Variants in PPM1H observed in about 807,000 individuals in gnomAD.
PPM1H encodes protein phosphatase, Mg2+/Mn2+ dependent 1H.
Under a neutral mutation model 54.9 loss-of-function variants are expected in PPM1H, and 27 were observed. The ratio of observed to expected loss-of-function variants is 0.49; its 90% CI spans 0.36 to 0.68. The LOEUF (loss-of-function observed/expected upper bound fraction) is 0.68. Among genes scored for constraint, PPM1H ranks in the 30% least tolerant of loss-of-function variants. The pLI is 0.00. For missense variants in PPM1H, 596 were observed against 667.8 expected, an observed-to-expected ratio of 0.89 and a Z score of 1.19; for synonymous variants, 305 against 270.8, an observed-to-expected ratio of 1.13 and a Z score of -1.24.
chr12:62,755,859 C>T, intron 4 of PPM1H: 2 of 784,788 alleles, frequency 2.5e-6, no homozygotes, highest in South Asian at 2.8e-5. Flanking sequence ...CCTGCCTCTA[C>T]TGGTGCTGCT....
At chr12:62,857,089 TACTGTCTTCACCTTCAGTGAAG>T (rs1305308233) in intron 1 of PPM1H, among the ~76,000 whole-genome samples, 2 of 152,228 alleles carry the variant, frequency 1.3e-5, no homozygotes, top group Non-Finnish European at 2.9e-5. Context: ...TATAATTCCC[TACTGTCTTCACCTTCAGTGAAG>T]ACCAGATTTC....
At chr12:62,793,088 G>A (rs2076709807) in intron 3 of PPM1H, among the ~76,000 whole-genome samples, 1 of 152,096 alleles carries the variant, frequency 6.6e-6, no homozygotes, top group Admixed American at 6.5e-5. Context: ...GACTGATTTA[G>A]AATATCTCCC....
intron 6 of PPM1H, among the ~76,000 whole-genome samples, chr12:62,713,722 G>A (rs956829268): frequency 1.6e-4 from 25 of 152,190 alleles, no homozygotes; most frequent in African/African-American, 5.5e-4. Flanking sequence ...TAATCCCAGC[G>A]CTTTGGGAGG....
chr12:62,758,975 T>C (rs2076490963), intron 4 of PPM1H, among the ~76,000 whole-genome samples: 1 of 152,240 alleles, frequency 6.6e-6, no homozygotes, highest in African/African-American at 2.4e-5. Flanking sequence ...AGGTTCTTTG[T>C]AATTCTCCCT....
intron 1 of PPM1H, among the ~76,000 whole-genome samples, chr12:62,911,277 T>C (rs1250214062): frequency 6.6e-6 from 1 of 152,224 alleles, no homozygotes. Flanking sequence ...TGACAAGATC[T>C]GAAATTATAC....
intron 9 of PPM1H, among the ~76,000 whole-genome samples, chr12:62,663,717 C>T (rs529174143): frequency 1.2e-4 from 19 of 152,238 alleles, no homozygotes; most frequent in African/African-American, 2.6e-4. Context: ...TCTTGCCGGG[C>T]GCAGTGGCTC....
At chr12:62,879,817 T>C (rs981859511) in intron 1 of PPM1H, among the ~76,000 whole-genome samples, 4 of 152,068 alleles carry the variant, frequency 2.6e-5, no homozygotes, top group Non-Finnish European at 5.9e-5. Context: ...TGCTTAAAAC[T>C]GGTATTGCTG....
chr12:62,709,275 T>G (rs2076193382), intron 6 of PPM1H, among the ~76,000 whole-genome samples: 1 of 152,214 alleles, frequency 6.6e-6, no homozygotes. Context: ...TGCCCCCATC[T>G]GCTGCTCTGG....
chr12:62,691,412 A>G (rs1447649682), intron 7 of PPM1H, among the ~76,000 whole-genome samples: 3 of 152,182 alleles, frequency 2.0e-5, no homozygotes, highest in African/African-American at 7.2e-5. Context: ...TTCATCCTAG[A>G]CTGTCAACAG....
chr12:62,659,508 A>T (rs770092201), intron 9 of PPM1H, among the ~76,000 whole-genome samples: 6 of 152,166 alleles, frequency 3.9e-5, no homozygotes, highest in Non-Finnish European at 8.8e-5. Flanking sequence ...CTCACAGCAC[A>T]TTCTGGAGGG....
chr12:62,735,498 A>G (rs529637665), intron 5 of PPM1H, among the ~76,000 whole-genome samples: 92 of 152,158 alleles, frequency 6.0e-4, no homozygotes, highest in Non-Finnish European at 1.9e-4. Context: ...GATTACAGGC[A>G]TGAGCCACCG....
At chr12:62,740,120 C>A (rs1336204991) in intron 4 of PPM1H, among the ~76,000 whole-genome samples, 1 of 152,218 alleles carries the variant, frequency 6.6e-6, no homozygotes, top group Non-Finnish European at 1.5e-5. Context: ...CGAACTCCAC[C>A]TTTGAAATGT....
chr12:62,710,377 C>T (rs759612717), intron 6 of PPM1H, among the ~76,000 whole-genome samples: 1 of 151,646 alleles, frequency 6.6e-6, no homozygotes, highest in Non-Finnish European at 1.5e-5. Context: ...ACTAAAAATA[C>T]AAAAATTAGC....
At chr12:62,805,264 A>G (rs1296496192) in intron 2 of PPM1H, among the ~76,000 whole-genome samples, 2 of 152,216 alleles carry the variant, frequency 1.3e-5, no homozygotes, top group African/African-American at 4.8e-5. Context: ...GTCAGTGGGA[A>G]TGTAAATTGG....
intron 5 of PPM1H, among the ~76,000 whole-genome samples, chr12:62,730,522 G>T (rs1425895137): frequency 6.6e-6 from 1 of 152,126 alleles, no homozygotes; most frequent in Non-Finnish European, 1.5e-5. Context: ...AAAATCTTTT[G>T]TAAAGTTCTC....
At chr12:62,682,690 G>C (rs1424329741) in intron 8 of PPM1H, among the ~76,000 whole-genome samples, 2 of 152,150 alleles carry the variant, frequency 1.3e-5, no homozygotes, top group South Asian at 4.1e-4. Flanking sequence ...TTTTTGTAGA[G>C]ACAGGGTTTC....
chr12:62,915,701 G>A (rs953045973), intron 1 of PPM1H, among the ~76,000 whole-genome samples: 5 of 152,146 alleles, frequency 3.3e-5, no homozygotes, highest in Non-Finnish European at 1.5e-5. Flanking sequence ...ATCCTACAGA[G>A]AGGTTCCAGA....
At chr12:62,674,238 G>A (rs1467552132) in intron 8 of PPM1H, among the ~76,000 whole-genome samples, 1 of 152,096 alleles carries the variant, frequency 6.6e-6, no homozygotes, top group East Asian at 1.9e-4. Context: ...AGTGGGCTCA[G>A]GGAAACTGGG....
rs11610395 is a variant in PPM1H, at chr12:62,834,391, C to T, written c.246-2112G>A. ...TGGTTAATCCTACCGCATTTACTGCCTGAGCTAAGCAACTTATCAGAAGCT... is the reference window on the plus strand; with the variant it reads ...TGGTTAATCCTACCGCATTTACTGCTTGAGCTAAGCAACTTATCAGAAGCT... On this transcript the variant is annotated intron_variant, in intron 1 of 9. Coordinates refer to ENST00000228705, the MANE Select transcript of PPM1H (RefSeq NM_020700.2). Among the ~76,000 whole-genome samples the T allele has an allele frequency of 6.7e-3, 1,017 of 152,340 alleles. 5 individuals carry two copies. Among genetic ancestry groups the T allele is most frequent in the Non-Finnish European group, 0.011 (735 of 68,030 alleles).
Sources: allele counts gnomAD v4.1 joint callset (sites outside exome capture counted in the v4.1 genomes callset), GRCh38; gene constraint gnomAD v4.1.1; transcripts MANE v1.5; gene names NCBI Gene and HGNC (gene_info 2026-07-23, HGNC 2026-07-21).